The following CCBE1 variants were observed in gnomAD, a reference collection of about 807,000 sequenced individuals.
The protein encoded by CCBE1 is collagen and calcium-binding EGF domain-containing protein 1.
A neutral mutation model predicts 50.0 loss-of-function variants in CCBE1; 37 were observed. That is an observed-to-expected ratio of 0.74 (90% CI 0.57 to 0.97). The LOEUF (loss-of-function observed/expected upper bound fraction) is 0.97, where lower values mean the gene tolerates loss of function less well. CCBE1 is among the 50% of genes least tolerant of loss of function. The probability of loss-of-function intolerance (pLI) is 0.00; values close to 1 mark genes in which losing one functional copy is unlikely to be tolerated. For synonymous variants in CCBE1, 234 were observed against 203.7 expected (o/e 1.15, Z -1.27); for missense variants, 538 against 523.8 (o/e 1.03, Z -0.26).
intron 2 of CCBE1, among the ~76,000 whole-genome samples, chr18:59,617,913 A>G (rs1009239295): frequency 1.3e-5 from 2 of 152,188 alleles, no homozygotes; most frequent in African/African-American, 2.4e-5. Flanking sequence ...TGACTTTCAT[A>G]TCATGCAGAA....
At chr18:59,669,365 C>T (rs948823343) in intron 2 of CCBE1, among the ~76,000 whole-genome samples, 1 of 152,224 alleles carries the variant, frequency 6.6e-6, no homozygotes, top group Admixed American at 6.5e-5. Flanking sequence ...CTCCCACCAG[C>T]CATCTCGTTT....
intron 2 of CCBE1, among the ~76,000 whole-genome samples, chr18:59,673,193 G>A (rs1449688697): frequency 6.6e-6 from 1 of 152,182 alleles, no homozygotes; most frequent in Non-Finnish European, 1.5e-5. Context: ...GCTCATGCCT[G>A]TAATCCCAGC....
intron 2 of CCBE1, among the ~76,000 whole-genome samples, chr18:59,647,994 C>G (rs930775032): frequency 1.3e-5 from 2 of 152,104 alleles, no homozygotes; most frequent in Admixed American, 1.3e-4. Flanking sequence ...AGAGAGCTAC[C>G]ATATGTGAAC....
rs529895396 is a variant in CCBE1 at position 59,545,948 on chromosome 18, C to T, written c.213-65710G>A. Among the ~76,000 whole-genome samples, 42 of 152,198 alleles carry T rather than the reference C, an allele frequency of 2.8e-4. No homozygotes were observed. In the East Asian group the frequency reaches 3.9e-3, roughly 14 times the overall value. On this transcript the variant is annotated intron_variant, in intron 2 of 10. Transcript: ENST00000439986. Reference sequence around the variant, plus strand: ...CTCAGGTACGTCTCTTTGTCAGCAGCGTGAAAATGAACTAATACAATCAAC... The same window carrying T: ...CTCAGGTACGTCTCTTTGTCAGCAGTGTGAAAATGAACTAATACAATCAAC...
At chr18:59,616,551 TG>T (rs1270216348) in intron 2 of CCBE1, among the ~76,000 whole-genome samples, 1 of 152,184 alleles carries the variant, frequency 6.6e-6, no homozygotes, top group Non-Finnish European at 1.5e-5. Flanking sequence ...AGTGCCATCT[TG>T]GCTGGAACTT....
chr18:59,646,834 G>C (rs1321070551), intron 2 of CCBE1, among the ~76,000 whole-genome samples: 3 of 152,174 alleles, frequency 2.0e-5, no homozygotes, highest in Non-Finnish European at 2.9e-5. Context: ...AAACTGAATG[G>C]GACCACCAGC....
chr18:59,456,262 A>G (rs17769960), intron 5 of CCBE1, among the ~76,000 whole-genome samples: 20,827 of 152,192 alleles, frequency 0.14, 1,648 homozygotes, highest in East Asian at 0.21. Flanking sequence ...TGCTCGAAAA[A>G]TCTTTGGGAA....
At chr18:59,499,439 C>A (rs746978384) in intron 2 of CCBE1, among the ~76,000 whole-genome samples, 1 of 152,030 alleles carries the variant, frequency 6.6e-6, no homozygotes, top group Non-Finnish European at 1.5e-5. Flanking sequence ...GTAATTTATA[C>A]AGGAAAAAGG....
intron 2 of CCBE1, among the ~76,000 whole-genome samples, chr18:59,552,050 G>T (rs1018000159): frequency 6.6e-6 from 1 of 152,318 alleles, no homozygotes; most frequent in Non-Finnish European, 1.5e-5. Context: ...GAGGGTATAA[G>T]ATGGCCTCAA....
chr18:59,486,877 CTATT>C (rs1399065481), intron 2 of CCBE1, among the ~76,000 whole-genome samples: 1 of 151,740 alleles, frequency 6.6e-6, no homozygotes, highest in Non-Finnish European at 1.5e-5. Context: ...CCAAACCTAC[CTATT>C]TATTTATTTA....
At chr18:59,561,414 T>G (rs941402619) in intron 2 of CCBE1, among the ~76,000 whole-genome samples, 6 of 152,194 alleles carry the variant, frequency 3.9e-5, no homozygotes, top group African/African-American at 7.2e-5. Context: ...GAGTGTAAGT[T>G]ACATGGACGT....
At chr18:59,634,750 G>GA (rs1005824687) in intron 2 of CCBE1, among the ~76,000 whole-genome samples, 1 of 152,072 alleles carries the variant, frequency 6.6e-6, no homozygotes, top group African/African-American at 2.4e-5. Context: ...AGGGAGATTT[G>GA]AAAAAGAAAC....
chr18:59,474,326 T>C (rs943597833), intron 3 of CCBE1, among the ~76,000 whole-genome samples: 2 of 152,256 alleles, frequency 1.3e-5, no homozygotes, highest in Admixed American at 6.5e-5. Flanking sequence ...ATTCACGGTG[T>C]ATTTAAAACA....
chr18:59,672,649 C>G (rs1249017175), intron 2 of CCBE1, among the ~76,000 whole-genome samples: 1 of 152,218 alleles, frequency 6.6e-6, no homozygotes, highest in African/African-American at 2.4e-5. Context: ...TCATCTGGAA[C>G]CAAGCCAAAC....
chr18:59,506,618 C>T (rs1913885636), intron 2 of CCBE1, among the ~76,000 whole-genome samples: 2 of 152,190 alleles, frequency 1.3e-5, no homozygotes, highest in Admixed American at 6.5e-5. Context: ...TGTGTCCCAA[C>T]CTCAATCTCT....
At chr18:59,515,696 A>C (rs1598969652) in intron 2 of CCBE1, among the ~76,000 whole-genome samples, 1 of 152,184 alleles carries the variant, frequency 6.6e-6, no homozygotes, top group South Asian at 2.1e-4. Context: ...ACTCTCATAA[A>C]GTCATCTTTA....
intron 2 of CCBE1, among the ~76,000 whole-genome samples, chr18:59,522,952 A>C (rs1195945181): frequency 7.1e-6 from 1 of 141,736 alleles, no homozygotes; most frequent in African/African-American, 2.7e-5. Flanking sequence ...AGATCGCGCC[A>C]CTGCACTCCA....
chr18:59,519,467 A>G (rs1021548636), intron 2 of CCBE1, among the ~76,000 whole-genome samples: 30 of 152,196 alleles, frequency 2.0e-4, no homozygotes, highest in African/African-American at 7.2e-4. Context: ...AGAAAATTGT[A>G]TCCTGCCACA....
intron 2 of CCBE1, among the ~76,000 whole-genome samples, chr18:59,607,311 T>TA (rs1389626607): frequency 6.6e-6 from 1 of 152,296 alleles, no homozygotes; most frequent in South Asian, 2.1e-4. Flanking sequence ...AAAGCCCTCT[T>TA]AGAGTCCAGA....
Sources: gnomAD v4.1 joint callset for allele counts (sites outside exome capture counted in the v4.1 genomes callset) on GRCh38, gnomAD v4.1.1 for gene constraint, MANE v1.5 for transcripts, NCBI Gene and HGNC (gene_info 2026-07-23, HGNC 2026-07-21) for gene names.